Variants in FRMPD4 observed in about 807,000 individuals in gnomAD.
The protein encoded by FRMPD4 is FERM and PDZ domain-containing protein 4.
Under a neutral mutation model 94.1 loss-of-function variants are expected in FRMPD4, and 22 were observed. That is an observed-to-expected ratio of 0.23 (90% CI 0.17 to 0.33). The LOEUF is 0.33. FRMPD4 is among the 10% of genes least tolerant of loss of function. The pLI, the probability that FRMPD4 is intolerant of heterozygous loss-of-function variation, is 1.00. For synonymous variants in FRMPD4, 631 were observed against 548.6 expected, an observed-to-expected ratio of 1.15 and a Z score of -2.10; for missense variants, 1,111 against 1,339.9, an observed-to-expected ratio of 0.83 and a Z score of 2.67.
intron 3 of FRMPD4, among the ~76,000 whole-genome samples, chrX:11,953,379 T>C (rs1321685498): frequency 5.4e-5 from 6 of 112,002 alleles, no homozygotes; most frequent in South Asian, 3.7e-4. Flanking sequence ...ATAAGTCTCA[T>C]TAAAGATGTC....
chrX:12,203,905 C>A (rs189499080), intron 1 of FRMPD4, among the ~76,000 whole-genome samples: 80 of 112,338 alleles, frequency 7.1e-4, no homozygotes, highest in African/African-American at 2.3e-3. Flanking sequence ...CTCAGAGATA[C>A]AAAGACATTT....
chrX:12,166,535 G>T (rs2056121888), intron 1 of FRMPD4, among the ~76,000 whole-genome samples: 1 of 111,411 alleles, frequency 9.0e-6, no homozygotes, highest in South Asian at 3.8e-4. Flanking sequence ...GTCTCTGCCA[G>T]GCTTTGGTAT....
chrX:12,000,435 T>C (rs1004998876), intron 3 of FRMPD4, among the ~76,000 whole-genome samples: 1 of 112,097 alleles, frequency 8.9e-6, no homozygotes. Flanking sequence ...ACAAGGCAGT[T>C]TTGATATAAA....
chrX:12,155,425 A>G (rs917288625), intron 1 of FRMPD4, among the ~76,000 whole-genome samples: 9 of 110,154 alleles, frequency 8.2e-5, no homozygotes, highest in Non-Finnish European at 1.5e-4. Flanking sequence ...CAATGTTTTT[A>G]TCTCACATAA....
chrX:12,674,712 G>A, intron 4 of FRMPD4, 151 bp from the exon 5 acceptor site: 1 of 461,578 alleles, frequency 2.2e-6, no homozygotes, highest in Non-Finnish European at 3.8e-6. Context: ...TGGTCTGAAA[G>A]CCTACATCTG....
chrX:12,179,277 A>T (rs1779092330), intron 1 of FRMPD4, among the ~76,000 whole-genome samples: 1 of 111,067 alleles, frequency 9.0e-6, no homozygotes, highest in African/African-American at 3.3e-5. Flanking sequence ...TTCCAGCCAC[A>T]TTCTATTGAC....
chrX:11,912,154 G>C (rs1438587196), intron 3 of FRMPD4, among the ~76,000 whole-genome samples: 1 of 112,055 alleles, frequency 8.9e-6, no homozygotes, highest in African/African-American at 3.2e-5. Flanking sequence ...AGGGAAGCAA[G>C]CTTCTGTAAG....
At chrX:12,546,303 G>A (rs747836215) in intron 2 of FRMPD4, among the ~76,000 whole-genome samples, 2 of 109,913 alleles carry the variant, frequency 1.8e-5, no homozygotes, top group African/African-American at 6.6e-5. Context: ...GCAGCCTCCC[G>A]AGTAGCTGAG....
intron 3 of FRMPD4, among the ~76,000 whole-genome samples, chrX:11,924,137 T>C (rs920699560): frequency 8.9e-6 from 1 of 111,750 alleles, no homozygotes; most frequent in Non-Finnish European, 1.9e-5. Context: ...CATAATGCAA[T>C]CACAAGTATT....
intron 1 of FRMPD4, among the ~76,000 whole-genome samples, chrX:12,231,054 T>TATATATATATATAAAAA (rs2057000574): frequency 3.0e-5 from 2 of 66,931 alleles, no homozygotes; most frequent in African/African-American, 1.2e-4. Context: ...ATATAAAATA[T>TATATATATATATAAAAA]ATATATATAT....
At chrX:11,877,983 C>G (rs1384823461) in exon 3 of FRMPD4, among the ~76,000 whole-genome samples, 1 of 112,063 alleles carries the variant, frequency 8.9e-6, no homozygotes, top group African/African-American at 3.2e-5. Flanking sequence ...GGTGCTTCAG[C>G]AGGGCAGCTG....
intron 3 of FRMPD4, among the ~76,000 whole-genome samples, chrX:11,888,594 A>T (rs1302712799): frequency 1.8e-5 from 2 of 111,556 alleles, no homozygotes; most frequent in Non-Finnish European, 3.8e-5. Flanking sequence ...TTACCCCCTC[A>T]TTTATCCAAG....
chrX:12,324,704 GA>G (rs2055259159), intron 1 of FRMPD4, among the ~76,000 whole-genome samples: 1 of 111,796 alleles, frequency 8.9e-6, no homozygotes, highest in African/African-American at 3.2e-5. Context: ...TAATTGACAT[GA>G]AACTACATTC....
intron 1 of FRMPD4, among the ~76,000 whole-genome samples, chrX:11,853,799 AC>A (rs1375806190): frequency 1.8e-5 from 2 of 112,194 alleles, no homozygotes; most frequent in African/African-American, 6.5e-5. Context: ...CACCAGATGT[AC>A]GAATAAGAGC....
At chrX:12,240,557 C>G (rs1569203012) in intron 1 of FRMPD4, among the ~76,000 whole-genome samples, 2 of 112,419 alleles carry the variant, frequency 1.8e-5, no homozygotes, top group East Asian at 2.8e-4. Flanking sequence ...TGCATGAGCT[C>G]TTTTATTCCC....
chrX:11,944,490 G>C (rs140878785), intron 3 of FRMPD4, among the ~76,000 whole-genome samples: 33 of 111,978 alleles, frequency 2.9e-4, no homozygotes, highest in Non-Finnish European at 5.4e-4. Context: ...CAATAGGTAG[G>C]ATCTTAGCAT....
chrX:12,477,705 T>C (rs770141133), intron 1 of FRMPD4, among the ~76,000 whole-genome samples: 13 of 112,849 alleles, frequency 1.2e-4, no homozygotes, highest in Admixed American at 5.6e-4. Flanking sequence ...AATCATTTCT[T>C]GACAAATATT....
intron 2 of FRMPD4, among the ~76,000 whole-genome samples, chrX:12,550,551 C>CAA (rs1210540323): frequency 9.0e-6 from 1 of 111,562 alleles, no homozygotes; most frequent in Non-Finnish European, 1.9e-5. Flanking sequence ...ATGCCAAGTG[C>CAA]AAAAACTGTA....
chrX:12,280,880 G>C (rs1359726386), intron 1 of FRMPD4, among the ~76,000 whole-genome samples: 1 of 111,588 alleles, frequency 9.0e-6, no homozygotes, highest in East Asian at 2.8e-4. Context: ...TTGGCCCACT[G>C]TATCTCTGTT....
Sources: gnomAD v4.1 joint callset for allele counts (sites outside exome capture counted in the v4.1 genomes callset) on GRCh38, gnomAD v4.1.1 for gene constraint, MANE v1.5 for transcripts, NCBI Gene and HGNC (gene_info 2026-07-23, HGNC 2026-07-21) for gene names.